Variants in PIK3C2G observed in about 807,000 individuals in gnomAD.
The protein encoded by PIK3C2G is phosphatidylinositol 3-kinase C2 domain-containing subunit gamma.
PIK3C2G carries 168 observed loss-of-function variants against 181.1 expected under a neutral mutation model. The observed-to-expected ratio is 0.93, with a 90% CI of 0.82 to 1.05. The LOEUF (loss-of-function observed/expected upper bound fraction) is 1.05. Ranked by LOEUF, PIK3C2G falls within the 50% of genes least tolerant of loss-of-function variation. The pLI, the probability that PIK3C2G is intolerant of heterozygous loss-of-function variation, is 0.00. For synonymous variants in PIK3C2G, 573 were observed against 592.2 expected, an observed-to-expected ratio of 0.97 and a Z score of 0.47; for missense variants, 1,869 against 1,732.8, an observed-to-expected ratio of 1.08 and a Z score of -1.40.
chr12:18,549,170 C>T (rs906447971), intron 26 of PIK3C2G, among the ~76,000 whole-genome samples: 10 of 152,034 alleles, frequency 6.6e-5, no homozygotes, highest in African/African-American at 2.4e-4. Context: ...TTCTCTCGAA[C>T]ATGCCGTCTT....
At chr12:18,252,072 CAT>C (rs1225050816) in intron 1 of PIK3C2G, among the ~76,000 whole-genome samples, 1 of 152,104 alleles carries the variant, frequency 6.6e-6, no homozygotes, top group Non-Finnish European at 1.5e-5. Context: ...TTCAAATATT[CAT>C]GTTAGAAATT....
At chr12:18,423,199 C>G (rs750985714) in intron 17 of PIK3C2G, among the ~76,000 whole-genome samples, 9 of 151,236 alleles carry the variant, frequency 6.0e-5, no homozygotes, top group Non-Finnish European at 1.3e-4. Flanking sequence ...GTTTATCAAA[C>G]AACTAAAGAT....
At chr12:18,670,866 T>C in the PIK3C2G span, among the ~76,000 whole-genome samples, 6 of 152,166 alleles carry the variant, frequency 3.9e-5, no homozygotes, top group Middle Eastern at 3.4e-3. Flanking sequence ...AAGCTTTCAA[T>C]TGGAAAAATT....
At chr12:18,326,887 T>C (rs1591963617) in intron 8 of PIK3C2G, among the ~76,000 whole-genome samples, 1 of 152,272 alleles carries the variant, frequency 6.6e-6, no homozygotes, top group East Asian at 1.9e-4. Context: ...TATCTAAATG[T>C]CTCAGCACTG....
At chr12:18,380,284 C>A (rs1592112829) in intron 13 of PIK3C2G, among the ~76,000 whole-genome samples, 1 of 152,252 alleles carries the variant, frequency 6.6e-6, no homozygotes, top group East Asian at 1.9e-4. Flanking sequence ...TCATGTTCTC[C>A]TATCCAATAT....
the PIK3C2G span, among the ~76,000 whole-genome samples, chr12:18,708,181 A>G: frequency 6.6e-6 from 1 of 151,864 alleles, no homozygotes; most frequent in African/African-American, 2.4e-5. Flanking sequence ...CTCCCTCCCC[A>G]CACCTCGTTC....
chr12:18,551,598 G>C (rs996864582), intron 26 of PIK3C2G, among the ~76,000 whole-genome samples: 3 of 152,034 alleles, frequency 2.0e-5, no homozygotes, highest in Admixed American at 2.0e-4. Flanking sequence ...ACTGAAGCCA[G>C]CTTCAAGCAA....
chr12:18,383,846 G>A (rs1033283345), intron 14 of PIK3C2G, among the ~76,000 whole-genome samples: 5 of 151,322 alleles, frequency 3.3e-5, no homozygotes, highest in Admixed American at 6.6e-5. Flanking sequence ...CTCTGTCACC[G>A]AGGCTGGAGT....
chr12:18,419,224 C>T (rs1346297063), intron 16 of PIK3C2G, among the ~76,000 whole-genome samples: 6 of 152,148 alleles, frequency 3.9e-5, no homozygotes, highest in Admixed American at 1.3e-4. Context: ...ATATAGCATT[C>T]ACCAAAGAGC....
chr12:18,606,392 A>G (rs964838893), intron 30 of PIK3C2G, among the ~76,000 whole-genome samples: 5 of 152,148 alleles, frequency 3.3e-5, no homozygotes, highest in African/African-American at 1.2e-4. Flanking sequence ...TATACCAAAC[A>G]TCTTTTTATT....
At chr12:18,681,576 A>C in the PIK3C2G span, among the ~76,000 whole-genome samples, 2 of 152,086 alleles carry the variant, frequency 1.3e-5, no homozygotes, top group Non-Finnish European at 2.9e-5. Context: ...AGTTCAATAC[A>C]TAGGGACATT....
chr12:18,425,385 T>TC (rs1565708546), intron 18 of PIK3C2G, among the ~76,000 whole-genome samples: 7 of 145,888 alleles, frequency 4.8e-5, no homozygotes, highest in Non-Finnish European at 1.0e-4. Context: ...GACAGACATT[T>TC]CTTTTTTTTT....
chr12:18,712,045 G>C, the PIK3C2G span, among the ~76,000 whole-genome samples: 1 of 151,954 alleles, frequency 6.6e-6, no homozygotes, highest in Non-Finnish European at 1.5e-5. Context: ...ATTGACATAG[G>C]AGAACTTTAT....
intron 24 of PIK3C2G, among the ~76,000 whole-genome samples, chr12:18,532,883 G>GTT (rs139779917): frequency 4.6e-4 from 57 of 124,972 alleles, no homozygotes; most frequent in African/African-American, 1.5e-3. Flanking sequence ...AAAGTTTGCT[G>GTT]TTTTTTTTTT....
chr12:18,260,784 C>G (rs186461786), upstream of PIK3C2G, among the ~76,000 whole-genome samples: 117 of 152,156 alleles, frequency 7.7e-4, 2 homozygotes, highest in Non-Finnish European at 3.4e-4. Context: ...CCCAGTAAAG[C>G]AGGCCTACTT....
the PIK3C2G span, among the ~76,000 whole-genome samples, chr12:18,712,135 G>T: frequency 1.1e-3 from 167 of 152,168 alleles, 1 homozygote; most frequent in African/African-American, 4.0e-3. Flanking sequence ...CATTTTGATT[G>T]TACTAAAATT....
Position 18,424,002 on chromosome 12 carries a change from T to G in PIK3C2G, c.2467T>G (p.Ser823Ala). 6.2e-7 allele frequency: 1 copy of G among 1,611,786 alleles called. No homozygotes were observed. Among genetic ancestry groups the G allele is most frequent in the Non-Finnish European group, 8.5e-7 (1 of 1,178,872 alleles). The change falls in exon 18 of 33, where the codon TCC becomes GCC. Residue 823 changes from serine to alanine, a missense_variant. Transcript: ENST00000538779. ...TTTAGTGCAACTTCTACTCCACCGC[T>G]CCTTGCAGAGCATCCAGGTTGCCCA... ...SPLVQLLLHR[S>A]LQSIQVAHRL...
intron 9 of PIK3C2G, among the ~76,000 whole-genome samples, chr12:18,341,735 C>T (rs1291099623): frequency 6.6e-6 from 1 of 152,128 alleles, no homozygotes; most frequent in South Asian, 2.1e-4. Context: ...GTTAACAATG[C>T]CAAAGCAGTC....
At chr12:18,685,636 A>C in the PIK3C2G span, 2 of 516,980 alleles carry the variant, frequency 3.9e-6, no homozygotes, top group African/African-American at 3.9e-5. Flanking sequence ...CTCATGCTGG[A>C]ATAATGACCA....
Sources: gnomAD v4.1 joint callset for allele counts (sites outside exome capture counted in the v4.1 genomes callset) on GRCh38, gnomAD v4.1.1 for gene constraint, MANE v1.5 for transcripts, NCBI Gene and HGNC (gene_info 2026-07-23, HGNC 2026-07-21) for gene names.